Variants in ADAMTSL3 observed in about 807,000 individuals in gnomAD.
The protein encoded by ADAMTSL3 is ADAMTS like 3.
In ADAMTSL3, 128 loss-of-function variants were observed where a neutral mutation model predicts 201.7. The ratio of observed to expected loss-of-function variants is 0.63; its 90% CI spans 0.55 to 0.73. The LOEUF is 0.73. Ranked by LOEUF, ADAMTSL3 falls within the 30% of genes least tolerant of loss-of-function variation. ADAMTSL3 has a pLI of 0.00. For synonymous variants in ADAMTSL3, 738 were observed against 748.4 expected, an observed-to-expected ratio of 0.99 and a Z score of 0.23; for missense variants, 1,990 against 2,119.6, an observed-to-expected ratio of 0.94 and a Z score of 1.20.
intron 3 of ADAMTSL3, among the ~76,000 whole-genome samples, chr15:83,748,493 A>G (rs1038322287): frequency 2.0e-5 from 3 of 151,910 alleles, no homozygotes; most frequent in African/African-American, 7.3e-5. Context: ...ACAAAAAAAT[A>G]CACAAAAAGT....
At chr15:83,658,144 C>G (rs1044253014) in intron 2 of ADAMTSL3, among the ~76,000 whole-genome samples, 1 of 152,230 alleles carries the variant, frequency 6.6e-6, no homozygotes, top group Non-Finnish European at 1.5e-5. Context: ...TGGTTTCACA[C>G]TGTTGCTCAG....
At chr15:83,965,402 GACTTTAAACCA>G (rs937687100) in intron 19 of ADAMTSL3, among the ~76,000 whole-genome samples, 1 of 141,280 alleles carries the variant, frequency 7.1e-6, no homozygotes, top group African/African-American at 2.6e-5. Context: ...TGATAAAACA[GACTTTAAACCA>G]ACAAAGATCA....
intron 4 of ADAMTSL3, among the ~76,000 whole-genome samples, chr15:83,786,524 G>A (rs554599218): frequency 2.8e-4 from 42 of 151,792 alleles, no homozygotes; most frequent in Non-Finnish European, 5.7e-4. Flanking sequence ...TCACCCTATT[G>A]TGCAATCAAA....
chr15:83,791,009 T>C (rs2063335169), intron 4 of ADAMTSL3, among the ~76,000 whole-genome samples: 1 of 152,038 alleles, frequency 6.6e-6, no homozygotes, highest in Non-Finnish European at 1.5e-5. Flanking sequence ...CCTAATAAAA[T>C]ACCTAGGAAT....
chr15:83,773,396 C>A, intron 3 of ADAMTSL3, 127 bp from the exon 4 acceptor site: 2 of 1,049,460 alleles, frequency 1.9e-6, no homozygotes, highest in South Asian at 1.6e-5. Flanking sequence ...AAGATCGAAG[C>A]TCTGTCTCAA....
intron 15 of ADAMTSL3, among the ~76,000 whole-genome samples, chr15:83,912,102 G>A (rs1395514021): frequency 6.6e-6 from 1 of 152,152 alleles, no homozygotes; most frequent in East Asian, 1.9e-4. Context: ...GATACAAAGT[G>A]TTTTTTCAGA....
At chr15:83,695,225 GTAA>G (rs1436686779) in intron 2 of ADAMTSL3, among the ~76,000 whole-genome samples, 8 of 138 alleles carry the variant, frequency 0.058, no homozygotes, top group Non-Finnish European at 0.077. Context: ...GTGTGTGTGT[GTAA>G]TGTGTGTGTG....
intron 17 of ADAMTSL3, among the ~76,000 whole-genome samples, chr15:83,928,151 A>T (rs544711649): frequency 2.0e-5 from 3 of 152,038 alleles, no homozygotes; most frequent in South Asian, 2.1e-4. Context: ...ATTTTTAAAA[A>T]TTTTTAAATG....
At chr15:83,731,226 C>T (rs1250045820) in intron 3 of ADAMTSL3, among the ~76,000 whole-genome samples, 2 of 151,840 alleles carry the variant, frequency 1.3e-5, no homozygotes, top group Non-Finnish European at 2.9e-5. Context: ...TGTGATGCTT[C>T]CAACTAACTG....
chr15:83,804,172 A>T (rs1310210628), intron 4 of ADAMTSL3, among the ~76,000 whole-genome samples: 1 of 152,084 alleles, frequency 6.6e-6, no homozygotes, highest in African/African-American at 2.4e-5. Context: ...ACTTCAAGCA[A>T]ATTTCTAACA....
At chr15:83,827,623 T>G (rs542483833) in intron 6 of ADAMTSL3, among the ~76,000 whole-genome samples, 13 of 152,316 alleles carry the variant, frequency 8.5e-5, no homozygotes, top group Admixed American at 7.2e-4. Context: ...TAGGTTTTCT[T>G]CTAGGGTTTT....
chr15:83,866,642 G>A (rs1411062590), intron 8 of ADAMTSL3, among the ~76,000 whole-genome samples: 1 of 152,118 alleles, frequency 6.6e-6, no homozygotes, highest in Non-Finnish European at 1.5e-5. Context: ...ATAGCATTAG[G>A]AGATATACCT....
At chr15:83,804,318 G>C (rs1457275438) in intron 4 of ADAMTSL3, among the ~76,000 whole-genome samples, 2 of 152,144 alleles carry the variant, frequency 1.3e-5, no homozygotes, top group African/African-American at 4.8e-5. Context: ...TTTCATTATA[G>C]AAAAGAATAC....
chr15:83,837,841 T>C (rs774964014), intron 6 of ADAMTSL3, among the ~76,000 whole-genome samples: 1 of 150,600 alleles, frequency 6.6e-6, no homozygotes, highest in African/African-American at 2.4e-5. Flanking sequence ...AAAATATAAA[T>C]AGAAAAGGGA....
At chr15:83,697,018 CTG>C (rs997100218) in intron 2 of ADAMTSL3, among the ~76,000 whole-genome samples, 4 of 152,252 alleles carry the variant, frequency 2.6e-5, no homozygotes, top group Non-Finnish European at 4.4e-5. Flanking sequence ...TGATATTTGG[CTG>C]TGTTTGTGCT....
intron 3 of ADAMTSL3, among the ~76,000 whole-genome samples, chr15:83,738,456 C>A (rs1048444686): frequency 6.6e-6 from 1 of 152,056 alleles, no homozygotes; most frequent in Admixed American, 6.6e-5. Context: ...TTCTAAAATT[C>A]TGTGAAGATT....
intron 16 of ADAMTSL3, among the ~76,000 whole-genome samples, chr15:83,919,503 C>G (rs1022146710): frequency 1.3e-5 from 2 of 151,974 alleles, no homozygotes; most frequent in Admixed American, 1.3e-4. Flanking sequence ...AAGGAAAGGT[C>G]ATTTCAGTGG....
At chr15:83,716,294 G>C (rs1023281153) in intron 3 of ADAMTSL3, among the ~76,000 whole-genome samples, 1 of 152,162 alleles carries the variant, frequency 6.6e-6, no homozygotes, top group African/African-American at 2.4e-5. Flanking sequence ...CCTGAGGTCA[G>C]GAGTTTGAGA....
intron 17 of ADAMTSL3, among the ~76,000 whole-genome samples, chr15:83,936,862 G>C (rs1357212637): frequency 1.3e-5 from 2 of 150,938 alleles, no homozygotes; most frequent in African/African-American, 2.5e-5. Context: ...GATGTGAACA[G>C]ACACTTTCCA....
Sources: allele counts gnomAD v4.1 joint callset (sites outside exome capture counted in the v4.1 genomes callset), GRCh38; gene constraint gnomAD v4.1.1; transcripts MANE v1.5; gene names NCBI Gene and HGNC (gene_info 2026-07-23, HGNC 2026-07-21).